ITGB6: variants seen among roughly 807,000 people sequenced by gnomAD.
ITGB6 encodes integrin beta-6.
Under a neutral mutation model 84.5 loss-of-function variants are expected in ITGB6, and 80 were observed. That is an observed-to-expected ratio of 0.95 (90% CI 0.79 to 1.14). The LOEUF is 1.14. Ranked by LOEUF, ITGB6 falls within the 50% of genes most tolerant of loss-of-function variation. The probability of loss-of-function intolerance (pLI) is 0.00; values close to 1 mark genes in which losing one functional copy is unlikely to be tolerated. For missense variants in ITGB6, 1,006 were observed against 968.0 expected (o/e 1.04, Z -0.52); for synonymous variants, 383 against 354.9 (o/e 1.08, Z -0.89).
chr2:160,101,613 T>A lies in ITGB6; in HGVS notation c.*123A>T, dbSNP rs1696721476. 1.5e-6 allele frequency: 1 copy of A among 674,682 alleles called. No homozygotes were observed. Among genetic ancestry groups the A allele is most frequent in the Non-Finnish European group, 2.7e-6 (1 of 375,724 alleles). The allele number at this position is 674,682 out of a possible 1,614,324, so 41.8% of individuals were successfully genotyped here. A position where few individuals can be genotyped will look rare whatever the true frequency, so the allele number is the denominator to read the frequency against. On this transcript the variant is annotated 3_prime_UTR_variant, in exon 15 of 15. Transcript: ENST00000283249. Reference sequence around the variant, plus strand: ...TCACCTTCATGTAGAGGATGACTTATCTGCAGATGTCCTATTATTATCTTA... The same window carrying A: ...TCACCTTCATGTAGAGGATGACTTAACTGCAGATGTCCTATTATTATCTTA...
intron 6 of ITGB6, among the ~76,000 whole-genome samples, chr2:160,172,304 C>A (rs1014895667): frequency 1.3e-5 from 2 of 152,146 alleles, no homozygotes; most frequent in Non-Finnish European, 2.9e-5. Flanking sequence ...GCTTTACCAG[C>A]ACCAGGATTT....
At chr2:160,132,382 A>G (rs568588542) in intron 10 of ITGB6, among the ~76,000 whole-genome samples, 1 of 152,314 alleles carries the variant, frequency 6.6e-6, no homozygotes, top group South Asian at 2.1e-4. Flanking sequence ...CAGCAGCAGC[A>G]AAGAAATGAA....
At chr2:160,114,926 T>A (rs4664313) in intron 12 of ITGB6, among the ~76,000 whole-genome samples, 101,569 of 152,128 alleles carry the variant, frequency 0.67, 34,269 homozygotes, top group Admixed American at 0.74. Context: ...TGTACACTGC[T>A]AGGCGGCAGC....
intron 7 of ITGB6, among the ~76,000 whole-genome samples, chr2:160,158,102 G>T (rs1454491507): frequency 6.7e-6 from 1 of 149,840 alleles, no homozygotes; most frequent in Non-Finnish European, 1.5e-5. Context: ...ATGAATGTCT[G>T]TCTCTGGGTT....
At chr2:160,139,637 A>C (rs776972237) in intron 8 of ITGB6, among the ~76,000 whole-genome samples, 1 of 152,226 alleles carries the variant, frequency 6.6e-6, no homozygotes, top group South Asian at 2.1e-4. Flanking sequence ...GCATTGCTAT[A>C]ATTTAACAGC....
chr2:160,106,857 C>T (rs1696927878), intron 14 of ITGB6, among the ~76,000 whole-genome samples: 1 of 152,122 alleles, frequency 6.6e-6, no homozygotes, highest in Non-Finnish European at 1.5e-5. Flanking sequence ...AGGAGCATTG[C>T]GTCTACCTGT....
chr2:160,187,687 C>T (rs1685959516), intron 4 of ITGB6, among the ~76,000 whole-genome samples: 1 of 152,006 alleles, frequency 6.6e-6, no homozygotes. Context: ...GAGCAGAAGG[C>T]CTGTTAATTT....
chr2:160,150,218 T>A (rs1001340778), intron 7 of ITGB6, among the ~76,000 whole-genome samples: 2 of 152,158 alleles, frequency 1.3e-5, no homozygotes, highest in African/African-American at 4.8e-5. Flanking sequence ...AAAGGTCAGT[T>A]TACCCACAAA....
chr2:160,184,882 A>G (rs1288212743), intron 4 of ITGB6, among the ~76,000 whole-genome samples: 2 of 152,246 alleles, frequency 1.3e-5, no homozygotes, highest in East Asian at 1.9e-4. Flanking sequence ...CAAAAATCAC[A>G]TGATTATCTC....
intron 7 of ITGB6, among the ~76,000 whole-genome samples, chr2:160,154,699 GT>G (rs1189796383): frequency 6.6e-6 from 1 of 150,646 alleles, no homozygotes; most frequent in Non-Finnish European, 1.5e-5. Context: ...TAGGTGAATA[GT>G]TTAAAAAAAA....
intron 10 of ITGB6, 59 bp from the exon 11 acceptor site, chr2:160,126,660 G>C: frequency 7.5e-6 from 11 of 1,476,324 alleles, no homozygotes; most frequent in Non-Finnish European, 7.5e-6. Flanking sequence ...GATTTGAGGG[G>C]GTGAGGGGCA....
At chr2:160,160,542 A>G (rs1367648083) in intron 7 of ITGB6, among the ~76,000 whole-genome samples, 1 of 152,236 alleles carries the variant, frequency 6.6e-6, no homozygotes, top group African/African-American at 2.4e-5. Context: ...AAACTATGTT[A>G]TCATTAATAC....
intron 10 of ITGB6, among the ~76,000 whole-genome samples, chr2:160,136,772 A>C (rs971749152): frequency 1.3e-5 from 2 of 152,126 alleles, no homozygotes; most frequent in African/African-American, 4.8e-5. Context: ...GAAGCTGGAA[A>C]CCATCATTCT....
At chr2:160,151,381 T>C in intron 7 of ITGB6, among the ~76,000 whole-genome samples, 1 of 152,170 alleles carries the variant, frequency 6.6e-6, no homozygotes, top group East Asian at 1.9e-4. Context: ...GAAATAAAGA[T>C]GTTCTTTGAA....
chr2:160,177,507 C>A (rs1026173242), intron 4 of ITGB6, among the ~76,000 whole-genome samples: 1 of 151,428 alleles, frequency 6.6e-6, no homozygotes, highest in African/African-American at 2.4e-5. Context: ...GGAGGCGGAG[C>A]TTGCAGTGAG....
intron 8 of ITGB6, among the ~76,000 whole-genome samples, chr2:160,140,981 A>G (rs1376292490): frequency 3.3e-5 from 5 of 152,168 alleles, no homozygotes; most frequent in Admixed American, 3.3e-4. Flanking sequence ...GCCTATTTTT[A>G]AAAACTTTCC....
rs116652791 is a variant in ITGB6 at position 160,191,202 on chromosome 2, A to T, written c.593+4167T>A. 9.9e-3 allele frequency among the ~76,000 whole-genome samples: 1,510 copies of T among 152,332 alleles called. 11 individuals carry two copies. The highest frequency in any genetic ancestry group is 0.015 in the Non-Finnish European group (999 of 68,032). On this transcript the variant is annotated intron_variant, in intron 4 of 14. Transcript: ENST00000283249. The stretch of plus-strand genomic sequence containing the variant: ...AATCATACCTTACTTTTTATTATAC[A>T]GAATTTTTGAGGGTATAAGTCTTTA...
Position 160,120,805 on chromosome 2 carries a change from G to A in ITGB6, c.1981+2986C>T, listed in dbSNP as rs796625058. Among the ~76,000 whole-genome samples the A allele has an allele frequency of 8.7e-4, 127 of 146,342 alleles. 1 individual carries two copies. The highest frequency in any genetic ancestry group is 2.7e-3 in the African/African-American group (106 of 39,346). On this transcript the variant is annotated intron_variant, in intron 12 of 14. Transcript: ENST00000283249. ...AAACCATCATTCTCAGCAAACTATC[G>A]CAAGGACAGAAAACCAAACACCACA...
chr2:160,196,272 T>C lies in ITGB6; in HGVS notation c.290A>G (p.Asn97Ser), dbSNP rs375627531. The C allele has an allele frequency of 1.2e-6, 2 of 1,614,088 alleles. No individual in the cohort carries two copies. Among genetic ancestry groups the C allele is most frequent in the South Asian group, 1.1e-5 (1 of 91,076 alleles). The change falls in exon 3 of 15, where the codon AAT (asparagine) becomes AGT (serine). Residue 97 changes from asparagine (N) to serine (S), a missense_variant. Asn to Ser is a conservative substitution (Grantham distance 46). Coordinates refer to ENST00000283249, the MANE Select transcript of ITGB6 (RefSeq NM_000888.5). ...CGCAATCTGAACAATGTCAGAACTA[T>C]TTTTCTGTCTGCCTACACTGAGAGG... ...NKPLSVGRQK[N>S]SSDIVQIAPQ...
Sources: allele counts gnomAD v4.1 joint callset (sites outside exome capture counted in the v4.1 genomes callset), GRCh38; gene constraint gnomAD v4.1.1; transcripts MANE v1.5; gene names NCBI Gene and HGNC (gene_info 2026-07-23, HGNC 2026-07-21).